Variants in AKR1C8 observed in about 807,000 individuals in gnomAD.
The protein encoded by AKR1C8 is aldo-keto reductase family 1 member C8.
the AKR1C8 span, among the ~76,000 whole-genome samples, chr10:5,142,974 T>C: frequency 6.6e-6 from 1 of 152,088 alleles, no homozygotes; most frequent in African/African-American, 2.4e-5. Context: ...AAATGAGGTG[T>C]ACTGTGTTCA....
chr10:5,151,278 C>T, the AKR1C8 span, among the ~76,000 whole-genome samples: 7 of 152,126 alleles, frequency 4.6e-5, no homozygotes, highest in African/African-American at 1.2e-4. Context: ...CCGCATGACT[C>T]GTAAACCATA....
At chr10:5,155,687 T>G in the AKR1C8 span, 1 of 472,652 alleles carries the variant, frequency 2.1e-6, no homozygotes, top group Non-Finnish European at 4.4e-6. Context: ...TTGTAACTTG[T>G]CATATCGGAG....
At chr10:5,133,915 C>T in the AKR1C8 span, among the ~76,000 whole-genome samples, 18 of 152,118 alleles carry the variant, frequency 1.2e-4, no homozygotes, top group African/African-American at 3.1e-4. Context: ...TAACTGCAAC[C>T]TGTAAAAGAT....
the AKR1C8 span, among the ~76,000 whole-genome samples, chr10:5,151,177 T>A: frequency 6.6e-6 from 1 of 152,162 alleles, no homozygotes; most frequent in Non-Finnish European, 1.5e-5. Context: ...GTTCAGGGTC[T>A]GCAAAATATC....
At chr10:5,183,035 TAG>T in the AKR1C8 span, among the ~76,000 whole-genome samples, 1 of 152,090 alleles carries the variant, frequency 6.6e-6, no homozygotes, top group African/African-American at 2.4e-5. Flanking sequence ...AAATAAGAAC[TAG>T]AGAGAAAAAT....
chr10:5,153,744 A>T, the AKR1C8 span, among the ~76,000 whole-genome samples: 2 of 152,184 alleles, frequency 1.3e-5, no homozygotes, highest in East Asian at 3.9e-4. Context: ...AAGGGTAAAG[A>T]CCGCCCCTAT....
chr10:5,122,194 A>G, the AKR1C8 span: 323 of 350,326 alleles, frequency 9.2e-4, 4 homozygotes, highest in African/African-American at 6.4e-3. Context: ...ACTCACATTC[A>G]CCTTTCCCAG....
At chr10:5,140,081 T>C in the AKR1C8 span, among the ~76,000 whole-genome samples, 1 of 152,016 alleles carries the variant, frequency 6.6e-6, no homozygotes, top group African/African-American at 2.4e-5. Flanking sequence ...GAAATGCAAA[T>C]CAAAACCACA....
At chr10:5,178,091 T>C in the AKR1C8 span, among the ~76,000 whole-genome samples, 3 of 152,164 alleles carry the variant, frequency 2.0e-5, no homozygotes, top group Non-Finnish European at 2.9e-5. Flanking sequence ...ATTTTAGATC[T>C]TTCCTTCTTT....
chr10:5,139,172 C>T, the AKR1C8 span, among the ~76,000 whole-genome samples: 1 of 151,996 alleles, frequency 6.6e-6, no homozygotes, highest in Non-Finnish European at 1.5e-5. Flanking sequence ...AATGGAAGGA[C>T]ATTCCATGCT....
At chr10:5,180,232 A>T in the AKR1C8 span, among the ~76,000 whole-genome samples, 2 of 152,210 alleles carry the variant, frequency 1.3e-5, no homozygotes, top group Admixed American at 6.5e-5. Context: ...AGTTTGCTAG[A>T]GGTCCACTCC....
At chr10:5,127,262 T>C in the AKR1C8 span, among the ~76,000 whole-genome samples, 1 of 151,754 alleles carries the variant, frequency 6.6e-6, no homozygotes, top group Non-Finnish European at 1.5e-5. Flanking sequence ...TCCAGAGAGA[T>C]AGATATCACA....
the AKR1C8 span, among the ~76,000 whole-genome samples, chr10:5,149,677 T>G: frequency 6.6e-6 from 1 of 152,074 alleles, no homozygotes; most frequent in Non-Finnish European, 1.5e-5. Flanking sequence ...CTTTATAAAG[T>G]TAACCTCCAT....
the AKR1C8 span, among the ~76,000 whole-genome samples, chr10:5,147,431 G>C: frequency 6.6e-6 from 1 of 152,084 alleles, no homozygotes; most frequent in East Asian, 1.9e-4. Context: ...GCAAGTTCCT[G>C]CTGGTTATGA....
chr10:5,127,095 TC>T, the AKR1C8 span, among the ~76,000 whole-genome samples: 1 of 151,782 alleles, frequency 6.6e-6, no homozygotes, highest in Non-Finnish European at 1.5e-5. Flanking sequence ...TCACACTAGC[TC>T]CCCAGCAATA....
At chr10:5,175,916 A>G in the AKR1C8 span, among the ~76,000 whole-genome samples, 1 of 151,920 alleles carries the variant, frequency 6.6e-6, no homozygotes, top group South Asian at 2.1e-4. Context: ...ATTTTCTCCC[A>G]TTTCGTAGGT....
chr10:5,123,631 C>T, the AKR1C8 span: 1 of 1,325,818 alleles, frequency 7.5e-7, no homozygotes, highest in Non-Finnish European at 1.0e-6. Flanking sequence ...TGAGAGTAAA[C>T]TCCAGGAAAG....
chr10:5,183,880 T>C, the AKR1C8 span, among the ~76,000 whole-genome samples: 2 of 152,118 alleles, frequency 1.3e-5, no homozygotes, highest in Admixed American at 1.3e-4. Context: ...TGGCAACAAC[T>C]GCACTCATAT....
chr10:5,179,046 G>A, the AKR1C8 span, among the ~76,000 whole-genome samples: 63 of 152,202 alleles, frequency 4.1e-4, 2 homozygotes, highest in South Asian at 0.01. Flanking sequence ...TATTTTGCTC[G>A]TTAGTTGATG....
Sources: gnomAD v4.1 joint callset for allele counts (sites outside exome capture counted in the v4.1 genomes callset) on GRCh38, gnomAD v4.1.1 for gene constraint, MANE v1.5 for transcripts, NCBI Gene and HGNC (gene_info 2026-07-23, HGNC 2026-07-21) for gene names.